The following GABBR2 variants were observed in gnomAD, a reference collection of about 807,000 sequenced individuals.
GABBR2 encodes the protein G-protein coupled receptor 51.
A neutral mutation model predicts 105.6 loss-of-function variants in GABBR2; 23 were observed. The ratio of observed to expected loss-of-function variants is 0.22; its 90% CI spans 0.16 to 0.31. GABBR2 has a LOEUF of 0.31. Among genes scored for constraint, GABBR2 ranks in the 10% least tolerant of loss-of-function variants. The probability of loss-of-function intolerance (pLI) is 1.00; values close to 1 mark genes in which losing one functional copy is unlikely to be tolerated. For synonymous variants in GABBR2, 478 were observed against 499.7 expected (o/e 0.96, Z 0.58); for missense variants, 734 against 1,245.5 (o/e 0.59, Z 6.18).
chr9:98,600,814 G>A (rs1006346203), intron 1 of GABBR2, among the ~76,000 whole-genome samples: 9 of 152,176 alleles, frequency 5.9e-5, no homozygotes, highest in East Asian at 1.9e-4. Flanking sequence ...GCACCGCACC[G>A]CCACATGCGT....
At chr9:98,321,543 C>T (rs1830823002) in intron 13 of GABBR2, among the ~76,000 whole-genome samples, 1 of 152,198 alleles carries the variant, frequency 6.6e-6, no homozygotes. Flanking sequence ...CCCTGCTTTC[C>T]TCCTGTAGTC....
At chr9:98,475,811 A>G (rs1339661574) in intron 5 of GABBR2, among the ~76,000 whole-genome samples, 1 of 152,164 alleles carries the variant, frequency 6.6e-6, no homozygotes, top group African/African-American at 2.4e-5. Flanking sequence ...GCTCATGCCT[A>G]TAGCACTTTG....
chr9:98,365,725 A>T (rs1831664239), intron 12 of GABBR2, among the ~76,000 whole-genome samples: 1 of 152,236 alleles, frequency 6.6e-6, no homozygotes, highest in Non-Finnish European at 1.5e-5. Context: ...GAAGACTAGT[A>T]GTGAAAATTA....
chr9:98,462,263 C>T (rs569254788), intron 6 of GABBR2, among the ~76,000 whole-genome samples: 2 of 152,132 alleles, frequency 1.3e-5, no homozygotes, highest in South Asian at 2.1e-4. Context: ...AATGCTTAAA[C>T]AAGGCATAAA....
chr9:98,661,647 T>A (rs979356200), intron 1 of GABBR2, among the ~76,000 whole-genome samples: 1 of 152,178 alleles, frequency 6.6e-6, no homozygotes, highest in Non-Finnish European at 1.5e-5. Context: ...GTGATCCACC[T>A]GCCTCGGCCT....
chr9:98,538,517 G>T, intron 3 of GABBR2: 1 of 729,596 alleles, frequency 1.4e-6, no homozygotes, highest in Non-Finnish European at 1.7e-6. Context: ...CCCAAGTCCT[G>T]AGCAGCCTCT....
chr9:98,708,773 C>A lies in GABBR2; in HGVS notation c.-36G>T, dbSNP rs1588292161. The stretch of plus-strand genomic sequence containing the variant: ...GGGCTGCGGGCGCCGGCTCACTCGG[C>A]CCGCATGGCCTGGCCCGGCCCGCCG... On this transcript the variant is annotated 5_prime_UTR_variant, in exon 1 of 19. Coordinates refer to ENST00000259455, the MANE Select transcript of GABBR2 (RefSeq NM_005458.8). The A allele has an allele frequency of 1.0e-6, 1 of 977,016 alleles. No individual in the cohort carries two copies. The highest frequency in any genetic ancestry group is 4.5e-5 in the South Asian group (1 of 21,986). The allele number at this position is 977,016 out of a possible 1,614,324, so 60.5% of individuals were successfully genotyped here. A position where few individuals can be genotyped will look rare whatever the true frequency, so the allele number is the denominator to read the frequency against.
chr9:98,328,667 A>G (rs577241783), intron 13 of GABBR2, among the ~76,000 whole-genome samples: 1 of 152,150 alleles, frequency 6.6e-6, no homozygotes, highest in Non-Finnish European at 1.5e-5. Flanking sequence ...TAAGTTTTGC[A>G]TTTTTTCTTT....
intron 13 of GABBR2, among the ~76,000 whole-genome samples, chr9:98,318,893 G>GTT (rs1830768820): frequency 7.7e-6 from 1 of 130,452 alleles, no homozygotes; most frequent in African/African-American, 2.7e-5. Flanking sequence ...ATGTGAGTTT[G>GTT]TGTGTGTGTG....
At chr9:98,585,382 A>G (rs112015322) in intron 1 of GABBR2, among the ~76,000 whole-genome samples, 10,783 of 150,746 alleles carry the variant, frequency 0.072, 385 homozygotes, top group African/African-American at 0.097. Context: ...TCAGCAAACT[A>G]TCGCAAGGAC....
At chr9:98,625,382 T>G (rs908151231) in intron 1 of GABBR2, among the ~76,000 whole-genome samples, 11 of 152,226 alleles carry the variant, frequency 7.2e-5, no homozygotes, top group Admixed American at 5.9e-4. Flanking sequence ...TTCCCTGTCC[T>G]CATACCCAGC....
intron 1 of GABBR2, among the ~76,000 whole-genome samples, chr9:98,620,243 C>CTT (rs1230840543): frequency 9.7e-5 from 6 of 61,602 alleles, no homozygotes; most frequent in Admixed American, 1.5e-4. Context: ...AATATTTTCT[C>CTT]TCTTTCTCTC....
At chr9:98,348,541 A>G (rs983106171) in intron 13 of GABBR2, among the ~76,000 whole-genome samples, 2 of 152,210 alleles carry the variant, frequency 1.3e-5, no homozygotes, top group Admixed American at 6.5e-5. Flanking sequence ...TCATTTTAAC[A>G]ATATTAATTC....
At position 98,323,257 on chromosome 9, in the gene GABBR2, C is replaced by T. The variant is rs573604687; in HGVS notation, c.1894-12052G>A. ...TAGAAGGGCCCCACGACAGTGCTCTCCTCCGCCTGCCTTGGGGCACATGGA... is the reference window on the plus strand; with the variant it reads ...TAGAAGGGCCCCACGACAGTGCTCTTCTCCGCCTGCCTTGGGGCACATGGA... On this transcript the variant is annotated intron_variant, in intron 13 of 18. Coordinates refer to ENST00000259455, the MANE Select transcript of GABBR2 (RefSeq NM_005458.8). Among the ~76,000 whole-genome samples the T allele has an allele frequency of 7.9e-5, 12 of 152,356 alleles. No individual in the cohort carries two copies. In the East Asian group the frequency reaches 1.9e-3, roughly 24 times the overall value.
chr9:98,385,924 A>C (rs1288191596), intron 10 of GABBR2, 152 bp from the exon 11 acceptor site: 6 of 627,338 alleles, frequency 9.6e-6, no homozygotes, highest in Non-Finnish European at 1.7e-5. Flanking sequence ...CTCAGGGGAC[A>C]CATCAGCAGG....
chr9:98,351,837 A>G (rs539955268), intron 13 of GABBR2, among the ~76,000 whole-genome samples: 1 of 152,288 alleles, frequency 6.6e-6, no homozygotes, highest in Admixed American at 6.5e-5. Flanking sequence ...TTTCTTTGGA[A>G]TATGTTATTG....
chr9:98,411,033 G>T (rs1832582870), intron 7 of GABBR2, among the ~76,000 whole-genome samples: 2 of 152,116 alleles, frequency 1.3e-5, no homozygotes, highest in Non-Finnish European at 2.9e-5. Flanking sequence ...TCCACTGGAT[G>T]GTGATTGATA....
chr9:98,492,194 A>C (rs2779552), intron 4 of GABBR2, among the ~76,000 whole-genome samples: 106,234 of 151,242 alleles, frequency 0.7, 37,608 homozygotes, highest in East Asian at 0.91. Context: ...TTCACCAGTT[A>C]TGCTAGAATG....
At chr9:98,565,968 G>A (rs908337657) in intron 2 of GABBR2, among the ~76,000 whole-genome samples, 8 of 152,206 alleles carry the variant, frequency 5.3e-5, no homozygotes, top group Admixed American at 2.0e-4. Context: ...GTGTCTGTCC[G>A]CAGAGCACCT....
Sources: gnomAD v4.1 joint callset for allele counts (sites outside exome capture counted in the v4.1 genomes callset) on GRCh38, gnomAD v4.1.1 for gene constraint, MANE v1.5 for transcripts, NCBI Gene and HGNC (gene_info 2026-07-23, HGNC 2026-07-21) for gene names.